The following SLCO3A1 variants were observed in gnomAD, a reference collection of about 807,000 sequenced individuals.
SLCO3A1 encodes solute carrier organic anion transporter family member 3A1.
Under a neutral mutation model 63.1 loss-of-function variants are expected in SLCO3A1, and 27 were observed. The ratio of observed to expected loss-of-function variants is 0.43; its 90% confidence interval spans 0.32 to 0.59. The LOEUF (loss-of-function observed/expected upper bound fraction) is 0.59. Ranked by LOEUF, SLCO3A1 falls within the 20% of genes least tolerant of loss-of-function variation. The pLI is 0.09. For missense variants in SLCO3A1, 773 were observed against 945.8 expected (o/e 0.82, Z 2.40); for synonymous variants, 473 against 409.9 (o/e 1.15, Z -1.86).
chr15:91,947,240 G>A (rs1268394285), intron 2 of SLCO3A1, among the ~76,000 whole-genome samples: 3 of 152,162 alleles, frequency 2.0e-5, no homozygotes, highest in African/African-American at 4.8e-5. Context: ...CCTCCTTGTC[G>A]AGGACCGTCT....
rs1053081774 is a variant in SLCO3A1, at chr15:91,900,253, T to G, written c.181-15740T>G. On this transcript the variant is annotated intron_variant, in intron 1 of 9. Transcript: ENST00000318445. The surrounding 1 kb of genome is among the most constrained non-coding windows in gnomAD (Gnocchi z 4.3). ...CAAAGTGGCTATAACCATTTTATCT[T>G]TTATGTTCCCACTAGCAGTATCTGA... 2.6e-5 allele frequency among the ~76,000 whole-genome samples: 4 copies of G among 152,246 alleles called. No individual in the cohort carries two copies. The highest frequency in any genetic ancestry group is 5.9e-5 in the Non-Finnish European group (4 of 68,044).
intron 4 of SLCO3A1, among the ~76,000 whole-genome samples, chr15:92,115,483 T>C (rs772805266): frequency 5.4e-4 from 82 of 152,300 alleles, no homozygotes; most frequent in Admixed American, 1.8e-3. Context: ...GGATCACTTC[T>C]TTTATATTAA....
intron 9 of SLCO3A1, among the ~76,000 whole-genome samples, chr15:92,154,631 T>A (rs1351326104): frequency 6.6e-6 from 1 of 151,818 alleles, no homozygotes; most frequent in Non-Finnish European, 1.5e-5. Context: ...GGGCAGGAGC[T>A]AGAAATGAAT....
chr15:91,874,631 C>A (rs1897355140), intron 1 of SLCO3A1, among the ~76,000 whole-genome samples: 1 of 152,206 alleles, frequency 6.6e-6, no homozygotes, highest in African/African-American at 2.4e-5. Context: ...TTTGCTTATC[C>A]AGTCGTCTGT....
chr15:92,159,489 A>G (rs1274962015), intron 9 of SLCO3A1, among the ~76,000 whole-genome samples: 1 of 152,090 alleles, frequency 6.6e-6, no homozygotes, highest in Non-Finnish European at 1.5e-5. Flanking sequence ...GTCTCAAAAA[A>G]AAAAAAAATT....
chr15:91,928,098 T>A lies in SLCO3A1; in HGVS notation c.646+11640T>A, dbSNP rs543179191. ...CACATTGGTGCTTTTATTTTATTTT[T>A]AAATATCAGCCTTGTTACTGGTTGT... On this transcript the variant is annotated intron_variant, in intron 2 of 9. Coordinates refer to ENST00000318445, the MANE Select transcript of SLCO3A1 (RefSeq NM_013272.4). Among the ~76,000 whole-genome samples, 39 of 152,348 alleles carry A rather than the reference T, an allele frequency of 2.6e-4. No homozygotes were observed. In the Middle Eastern group the frequency reaches 0.017, roughly 66 times the overall value.
At chr15:92,155,951 C>T (rs904836909) in intron 9 of SLCO3A1, among the ~76,000 whole-genome samples, 7 of 152,158 alleles carry the variant, frequency 4.6e-5, no homozygotes, top group African/African-American at 1.7e-4. Context: ...ATTTTCCAGC[C>T]TGCCCGCCTA....
chr15:92,054,467 C>T (rs1293313901), intron 2 of SLCO3A1, among the ~76,000 whole-genome samples: 4 of 151,916 alleles, frequency 2.6e-5, no homozygotes, highest in Middle Eastern at 3.2e-3. Flanking sequence ...TTGTTTTTTT[C>T]AGTTCTGGGA....
In SLCO3A1 at chr15:92,128,460, T is replaced by C; in HGVS notation, c.1483T>C (p.Ser495Pro). ...VCGADGITYLSACFAGCNSTN... is the reference protein window; with the variant it reads ...VCGADGITYLPACFAGCNSTN... ...TGGGGCAGATGGCATCACCTACCTG[T>C]CTGCCTGCTTTGCTGGCTGCAACAG... The change falls in exon 7 of 10, where the codon TCT becomes CCT. Residue 495 changes from serine (S) to proline (P), a missense_variant. Transcript: ENST00000318445. 1 of 1,613,950 alleles carries C rather than the reference T, an allele frequency of 6.2e-7. No homozygotes were observed. The highest frequency in any genetic ancestry group is 8.5e-7 in the Non-Finnish European group (1 of 1,179,928).
chr15:92,132,174 G>C (rs2048004396), intron 7 of SLCO3A1, among the ~76,000 whole-genome samples: 1 of 145,420 alleles, frequency 6.9e-6, no homozygotes, highest in Admixed American at 6.9e-5. Flanking sequence ...CCTGATCCTT[G>C]CTCGCCACTC....
chr15:91,903,266 C>T (rs1258409826), intron 1 of SLCO3A1, among the ~76,000 whole-genome samples: 2 of 152,114 alleles, frequency 1.3e-5, no homozygotes, highest in Non-Finnish European at 2.9e-5. Context: ...TCGTTGAGGC[C>T]AAAGGTTGGT....
At chr15:91,982,615 CCTCTATAGAGTTT>C (rs2046001727) in intron 2 of SLCO3A1, among the ~76,000 whole-genome samples, 1 of 152,198 alleles carries the variant, frequency 6.6e-6, no homozygotes, top group African/African-American at 2.4e-5. Context: ...CCACGGGCTC[CCTCTATAGAGTTT>C]CTGAGAAAAC....
intron 5 of SLCO3A1, among the ~76,000 whole-genome samples, chr15:92,123,107 C>G (rs183650936): frequency 2.6e-5 from 4 of 152,276 alleles, no homozygotes; most frequent in Admixed American, 2.6e-4. Flanking sequence ...GTGTACTTCA[C>G]AGGACATAAC....
chr15:92,067,739 A>G (rs570360274), intron 2 of SLCO3A1, among the ~76,000 whole-genome samples: 1 of 152,336 alleles, frequency 6.6e-6, no homozygotes, highest in South Asian at 2.1e-4. Flanking sequence ...CCGGCTTGGA[A>G]GGAATCACAC....
Position 91,872,989 on chromosome 15 carries a change from C to T in SLCO3A1, c.180+18901C>T, listed in dbSNP as rs150326345. Among the ~76,000 whole-genome samples the T allele has an allele frequency of 5.3e-5, 8 of 152,336 alleles. No homozygotes were observed. Among genetic ancestry groups the T allele is most frequent in the African/African-American group, 1.4e-4 (6 of 41,584 alleles). On this transcript the variant is annotated intron_variant, in intron 1 of 9. Transcript: ENST00000318445. The surrounding 1 kb of genome is among the most constrained non-coding windows in gnomAD (Gnocchi z 4.1). The stretch of plus-strand genomic sequence containing the variant: ...TACCTGCGTGCTCAGCACTCACCTG[C>T]GTTCCTGATTTGAACAGCCAGCCAC...
rs530921313 is a variant in SLCO3A1, at chr15:92,082,681, TCA to T, written c.647-12198_647-12197del. Among the ~76,000 whole-genome samples the T allele has an allele frequency of 1.3e-4, 20 of 152,340 alleles. No individual in the cohort carries two copies. The East Asian group carries it at 3.9e-3, about 29-fold the overall frequency. On this transcript the variant is annotated intron_variant, in intron 2 of 9. Transcript: ENST00000318445. ...GATTTGCATGCATTACATATAATTCTCACTGTTCTACAAGACTGATAACCCTT... is the reference window on the plus strand; with the variant it reads ...GATTTGCATGCATTACATATAATTCTCTGTTCTACAAGACTGATAACCCTT...
chr15:91,906,630 A>G (rs1898317201), intron 1 of SLCO3A1, among the ~76,000 whole-genome samples: 1 of 152,222 alleles, frequency 6.6e-6, no homozygotes, highest in Non-Finnish European at 1.5e-5. Flanking sequence ...TCCTCTGTAC[A>G]TTTTTGTTGA....
rs562175279 is a variant in SLCO3A1 at position 91,856,526 on chromosome 15, C to G, written c.180+2438C>G. On this transcript the variant is annotated intron_variant, in intron 1 of 9. Transcript: ENST00000318445. This position sits in a 1 kb window ranked among gnomAD's most constrained non-coding sequence, Gnocchi z 4.9. ...AAAAAAGTTTGCTCCTTCAGCCATG[C>G]GAGACTTCTCTGTGGATAATTGGAG... Among the ~76,000 whole-genome samples the G allele has an allele frequency of 3.9e-5, 6 of 152,124 alleles. No homozygotes were observed. Among genetic ancestry groups the G allele is most frequent in the South Asian group, 2.1e-4 (1 of 4,820 alleles).
At chr15:92,067,193 TAGG>T (rs2047162140) in intron 2 of SLCO3A1, among the ~76,000 whole-genome samples, 1 of 152,004 alleles carries the variant, frequency 6.6e-6, no homozygotes, top group African/African-American at 2.4e-5. Flanking sequence ...GCCAAGGGAA[TAGG>T]AGCCCAGAGC....
Sources: gnomAD v4.1 joint callset for allele counts (sites outside exome capture counted in the v4.1 genomes callset) on GRCh38, gnomAD v4.1.1 for gene constraint, Gnocchi (gnomAD v3.1) non-coding constraint, MANE v1.5 for transcripts, NCBI Gene and HGNC (gene_info 2026-07-23, HGNC 2026-07-21) for gene names.